Variants in TRIM37 observed in about 807,000 individuals in gnomAD.
The protein encoded by TRIM37 is E3 ubiquitin-protein ligase TRIM37.
TRIM37 carries 80 observed loss-of-function variants against 129.8 expected under a neutral mutation model. The observed-to-expected ratio is 0.62, with a 90% confidence interval of 0.51 to 0.74. The LOEUF (loss-of-function observed/expected upper bound fraction) is 0.74, where lower values mean the gene tolerates loss of function less well. Ranked by LOEUF, TRIM37 falls within the 30% of genes least tolerant of loss-of-function variation. The pLI is 0.00. For synonymous variants in TRIM37, 389 were observed against 387.1 expected, an observed-to-expected ratio of 1.00 and a Z score of -0.06; for missense variants, 1,054 against 1,176.5, an observed-to-expected ratio of 0.90 and a Z score of 1.52.
intron 7 of TRIM37, 66 bp from the exon 8 acceptor site, chr17:59,075,780 C>T: frequency 3.3e-6 from 4 of 1,202,080 alleles, no homozygotes; most frequent in Non-Finnish European, 4.9e-6. Context: ...AATTAACTTC[C>T]AATGAACATA....
At chr17:59,027,048 C>A (rs2037326478) in intron 19 of TRIM37, among the ~76,000 whole-genome samples, 2 of 152,042 alleles carry the variant, frequency 1.3e-5, no homozygotes, top group African/African-American at 4.8e-5. Context: ...CAAACTTGAC[C>A]CTATTCAGTC....
At chr17:59,032,195 A>G (rs892054056) in intron 17 of TRIM37, 105 bp from the exon 18 acceptor site, 1 of 1,213,126 alleles carries the variant, frequency 8.2e-7, no homozygotes, top group East Asian at 2.3e-5. Flanking sequence ...CTATGGACCT[A>G]TCTCTTAGGA....
downstream of TRIM37, chr17:58,981,115 A>G (rs2031335125): frequency 8.4e-6 from 8 of 954,698 alleles, no homozygotes; most frequent in Admixed American, 1.3e-4. Flanking sequence ...TTTCTAAAAC[A>G]TATGTGCTTC....
At chr17:59,018,528 T>A (rs1235633867) in intron 19 of TRIM37, among the ~76,000 whole-genome samples, 1 of 152,152 alleles carries the variant, frequency 6.6e-6, no homozygotes. Context: ...ATTAAAATAC[T>A]TAGGAATTTA....
the TRIM37 span, among the ~76,000 whole-genome samples, chr17:58,977,440 C>CAAAAAAAA: frequency 1.6e-5 from 1 of 62,104 alleles, no homozygotes; most frequent in Non-Finnish European, 3.4e-5. Context: ...GACTCTGTCT[C>CAAAAAAAA]AAAAAAAAAA....
intron 15 of TRIM37, 89 bp from the exon 16 acceptor site, chr17:59,047,908 G>A: frequency 1.3e-6 from 2 of 1,496,302 alleles, no homozygotes; most frequent in Non-Finnish European, 1.8e-6. Flanking sequence ...AAGCACCAAA[G>A]AATAATACAG....
chr17:59,023,400 C>T (rs2036845668), intron 19 of TRIM37, among the ~76,000 whole-genome samples: 1 of 152,034 alleles, frequency 6.6e-6, no homozygotes, highest in South Asian at 2.1e-4. Context: ...TAGAAACAGG[C>T]CTGTAATCTT....
At chr17:59,055,207 G>A (rs12449613) in intron 13 of TRIM37, among the ~76,000 whole-genome samples, 93,167 of 151,024 alleles carry the variant, frequency 0.62, 28,910 homozygotes, top group East Asian at 0.72. Context: ...ATGGTGGCGC[G>A]TGCCTGCAAT....
chr17:58,981,866 C>T (rs927568081), downstream of TRIM37: 4 of 152,504 alleles, frequency 2.6e-5, no homozygotes, highest in African/African-American at 7.2e-5. Context: ...ACTGCTTTAA[C>T]GGAGATGATG....
rs139747073 is a variant in TRIM37, at chr17:59,041,836, T to C, written c.1730A>G (p.Asp577Gly). ...MELEEGELME[D>G]AAAAGPAGSS... ...ACCTGCGGGTCCTGCAGCAGCTGCA[T>C]CTTCCATGAGTTCTCCCTCTTCTAA... The change falls in exon 17 of 24, where the codon GAT (aspartate) becomes GGT (glycine). Residue 577 changes from aspartate to glycine, a missense_variant. Asp to Gly is a moderately conservative substitution (Grantham distance 94, BLOSUM62 -1). Around this residue, in one of 3 missense-constraint regions of TRIM37, gnomAD observed 752 missense variants for 870.8 expected, o/e 0.86. Coordinates refer to ENST00000262294, the MANE Select transcript of TRIM37 (RefSeq NM_015294.6). The C allele has an allele frequency of 3.8e-5, 62 of 1,613,876 alleles. No individual in the cohort carries two copies. The African/African-American group carries it at 8.0e-4, about 21-fold the overall frequency.
At position 59,041,852 on chromosome 17, in the gene TRIM37, C is replaced by G; in HGVS notation, c.1714G>C (p.Gly572Arg). 6.2e-7 allele frequency: 1 copy of G among 1,613,868 alleles called. No homozygotes were observed. Among genetic ancestry groups the G allele is most frequent in the South Asian group, 1.1e-5 (1 of 91,082 alleles). The stretch of plus-strand genomic sequence containing the variant: ...GCAGCTGCATCTTCCATGAGTTCTC[C>G]CTCTTCTAATTCCATGTTGTTATAT... Reference protein sequence around the residue: ...VEYNNMELEEGELMEDAAAAG... With the variant: ...VEYNNMELEERELMEDAAAAG... Residue 572 changes from glycine (G) to arginine (R), a missense_variant, in exon 17 of 24, where the codon GGA becomes CGA. Gly to Arg is a moderately radical substitution (Grantham distance 125). Around this residue, in one of 3 missense-constraint regions of TRIM37, gnomAD observed 752 missense variants for 870.8 expected, o/e 0.86. Coordinates refer to ENST00000262294, the MANE Select transcript of TRIM37 (RefSeq NM_015294.6).
At chr17:59,084,768 C>T (rs977775117) in intron 4 of TRIM37, among the ~76,000 whole-genome samples, 1 of 151,998 alleles carries the variant, frequency 6.6e-6, no homozygotes, top group African/African-American at 2.4e-5. Flanking sequence ...CTGGTGTCCT[C>T]TATAAAGAGG....
downstream of TRIM37, chr17:58,980,461 C>T (rs1370143712): frequency 1.2e-6 from 2 of 1,614,146 alleles, no homozygotes; most frequent in Admixed American, 1.7e-5. The surrounding 1 kb of genome is among the most constrained non-coding windows in gnomAD (Gnocchi z 4.7). Flanking sequence ...TGCTGGAAGA[C>T]CCAGGCTACC....
At chr17:59,054,541 A>T (rs2040650894) in intron 13 of TRIM37, among the ~76,000 whole-genome samples, 1 of 152,168 alleles carries the variant, frequency 6.6e-6, no homozygotes, top group Non-Finnish European at 1.5e-5. Context: ...ACCTCAGGTG[A>T]TCCACCCACC....
chr17:59,102,150 G>C (rs1762530094), intron 2 of TRIM37, among the ~76,000 whole-genome samples: 1 of 152,134 alleles, frequency 6.6e-6, no homozygotes, highest in South Asian at 2.1e-4. Context: ...TACACACAGA[G>C]ATGATAGCTA....
chr17:59,096,228 G>A (rs577917251), intron 2 of TRIM37, among the ~76,000 whole-genome samples: 6 of 151,880 alleles, frequency 4.0e-5, no homozygotes, highest in Admixed American at 6.6e-5. Context: ...TACTGTTAGT[G>A]TAACAGGAGA....
chr17:58,972,523 G>C, the TRIM37 span, among the ~76,000 whole-genome samples: 10 of 152,022 alleles, frequency 6.6e-5, no homozygotes, highest in Non-Finnish European at 1.0e-4. Flanking sequence ...GCTAATTTTT[G>C]TATTTTTAGT....
Position 59,015,806 on chromosome 17 carries a change from A to G in TRIM37, c.2387-7T>C. On this transcript the variant is annotated splice_polypyrimidine_tract_variant and splice_region_variant and intron_variant, in intron 20 of 23. Coordinates refer to ENST00000262294, the MANE Select transcript of TRIM37 (RefSeq NM_015294.6). ...TGAGAGCTTCCTGGGGAGCCTTCAA[A>G]AAAAGGAAGATGGAATACAAAAATT... is the stretch of plus-strand genomic sequence containing the variant. 2 of 1,612,132 alleles carry G rather than the reference A, an allele frequency of 1.2e-6. No individual in the cohort carries two copies. Among genetic ancestry groups the G allele is most frequent in the Non-Finnish European group, 8.5e-7 (1 of 1,179,728 alleles).
In TRIM37 at chr17:59,019,583, C is replaced by A. The variant is rs374307292; in HGVS notation, c.2258-2159G>T. On this transcript the variant is annotated intron_variant, in intron 19 of 23. Coordinates refer to ENST00000262294, the MANE Select transcript of TRIM37 (RefSeq NM_015294.6). ...GTTAGCTGGGCATGGTGGCGCACAC[C>A]TGTAGTCCCAGCTACTTGGGAGGCT... Among the ~76,000 whole-genome samples the A allele has an allele frequency of 2.0e-5, 3 of 152,254 alleles. No homozygotes were observed. The East Asian group carries it at 5.8e-4, about 29-fold the overall frequency.
Sources: gnomAD v4.1 joint callset for allele counts (sites outside exome capture counted in the v4.1 genomes callset) on GRCh38, gnomAD v4.1.1 for gene constraint, gnomAD v4.1.1 regional missense constraint, Gnocchi (gnomAD v3.1) non-coding constraint, MANE v1.5 for transcripts, NCBI Gene and HGNC (gene_info 2026-07-23, HGNC 2026-07-21) for gene names.